The following PALM2AKAP2 variants were observed in gnomAD, a reference collection of about 807,000 sequenced individuals.
PALM2AKAP2 encodes PALM2-AKAP2 fusion protein.
In PALM2AKAP2, 37 loss-of-function variants were observed where a neutral mutation model predicts 71.5. The ratio of observed to expected loss-of-function variants is 0.52; its 90% CI spans 0.40 to 0.68. PALM2AKAP2 has a LOEUF of 0.68. Among genes scored for constraint, PALM2AKAP2 ranks in the 30% least tolerant of loss-of-function variants. PALM2AKAP2 has a pLI of 0.00. For synonymous variants in PALM2AKAP2, 468 were observed against 478.8 expected (o/e 0.98, Z 0.29); for missense variants, 1,224 against 1,191.8 (o/e 1.03, Z -0.40).
intron 1 of PALM2AKAP2, among the ~76,000 whole-genome samples, chr9:109,832,644 T>A (rs1040890971): frequency 1.3e-5 from 2 of 152,198 alleles, no homozygotes; most frequent in Non-Finnish European, 2.9e-5. Flanking sequence ...AACACCCAGA[T>A]GCCTTAAAAG....
At chr9:110,065,958 C>T (rs1834070740) in intron 1 of PALM2AKAP2, among the ~76,000 whole-genome samples, 2 of 152,138 alleles carry the variant, frequency 1.3e-5, no homozygotes, top group African/African-American at 4.8e-5. Flanking sequence ...TTCATTCATT[C>T]GATACTTGGG....
intron 1 of PALM2AKAP2, among the ~76,000 whole-genome samples, chr9:109,675,447 C>T (rs908318976): frequency 6.6e-6 from 1 of 152,098 alleles, no homozygotes; most frequent in African/African-American, 2.4e-5. Context: ...AGGCTAAATG[C>T]CAATCTAATA....
intron 7 of PALM2AKAP2, among the ~76,000 whole-genome samples, chr9:110,019,455 C>T (rs1193750171): frequency 1.3e-5 from 2 of 152,060 alleles, no homozygotes; most frequent in African/African-American, 4.8e-5. Context: ...TGGATATCTA[C>T]CCAAAGGAAA....
chr9:109,850,423 C>T (rs2131621580), intron 1 of PALM2AKAP2, among the ~76,000 whole-genome samples: 1 of 152,212 alleles, frequency 6.6e-6, no homozygotes, highest in African/African-American at 2.4e-5. Flanking sequence ...TTCTGTGGTT[C>T]TGAGATCCAA....
At chr9:110,031,894 A>G (rs988312917) in intron 7 of PALM2AKAP2, among the ~76,000 whole-genome samples, 67 of 152,222 alleles carry the variant, frequency 4.4e-4, no homozygotes, top group African/African-American at 1.6e-3. Flanking sequence ...GTGGGATAAG[A>G]TTTGATTTTC....
intron 1 of PALM2AKAP2, among the ~76,000 whole-genome samples, chr9:109,699,212 G>T (rs1246968764): frequency 6.6e-6 from 1 of 152,104 alleles, no homozygotes; most frequent in East Asian, 1.9e-4. Flanking sequence ...CACTGAACTG[G>T]CAAAATGTTG....
intron 3 of PALM2AKAP2, among the ~76,000 whole-genome samples, chr9:109,903,831 TAC>T (rs1486039668): frequency 6.6e-6 from 1 of 151,706 alleles, no homozygotes; most frequent in Non-Finnish European, 1.5e-5. Context: ...CACATGTGCA[TAC>T]ACAATCTTAA....
At position 109,931,986 on chromosome 9, in the gene PALM2AKAP2, GCA is replaced by G; in HGVS notation, c.455_456del (p.Ala152GlyfsTer26). On this transcript the variant is annotated frameshift_variant, in exon 6 of 10. Coordinates refer to the PALM2AKAP2 transcript ENST00000302798. LOFTEE classifies it high-confidence loss of function. ...CCTGCCAATCCTCTGTTCACGAACA[GCA>G]GAACCATCACCTGGGCAGGACGGGA... 6.2e-7 allele frequency: 1 copy of G among 1,614,102 alleles called. No homozygotes were observed. The highest frequency in any genetic ancestry group is 8.5e-7 in the Non-Finnish European group (1 of 1,179,960).
intron 2 of PALM2AKAP2, among the ~76,000 whole-genome samples, chr9:110,140,443 A>T (rs911392133): frequency 1.3e-5 from 2 of 152,170 alleles, no homozygotes; most frequent in African/African-American, 4.8e-5. Context: ...AGAAACAAAG[A>T]TCTGAGTGCT....
At chr9:109,736,561 C>CT (rs1320014484) in intron 1 of PALM2AKAP2, among the ~76,000 whole-genome samples, 1 of 151,876 alleles carries the variant, frequency 6.6e-6, no homozygotes, top group East Asian at 1.9e-4. Flanking sequence ...CTGCCATTTT[C>CT]TTTTTTTACT....
intron 1 of PALM2AKAP2, among the ~76,000 whole-genome samples, chr9:109,681,405 A>G (rs1373999236): frequency 1.3e-5 from 2 of 152,240 alleles, no homozygotes; most frequent in Non-Finnish European, 2.9e-5. Context: ...ATTCCAACTC[A>G]ACGATGCAAT....
At chr9:110,013,836 A>T (rs1832926169) in intron 6 of PALM2AKAP2, among the ~76,000 whole-genome samples, 1 of 152,230 alleles carries the variant, frequency 6.6e-6, no homozygotes, top group Non-Finnish European at 1.5e-5. Context: ...TTAGTCATTC[A>T]TCACCTTTTG....
intron 1 of PALM2AKAP2, among the ~76,000 whole-genome samples, chr9:109,670,557 G>A (rs565380183): frequency 1.3e-5 from 2 of 152,052 alleles, no homozygotes; most frequent in Non-Finnish European, 2.9e-5. Flanking sequence ...CTTTGCTATT[G>A]TGAATAGTGC....
At chr9:109,992,966 G>C (rs1194226726) in intron 6 of PALM2AKAP2, among the ~76,000 whole-genome samples, 2 of 150,722 alleles carry the variant, frequency 1.3e-5, no homozygotes, top group African/African-American at 2.4e-5. Context: ...GAGAGAGAGA[G>C]AGAGAGAGAG....
At position 109,839,787 on chromosome 9, in the gene PALM2AKAP2, C is replaced by G. The variant is rs189821839; in HGVS notation, c.46-27704C>G. Among the ~76,000 whole-genome samples the G allele has an allele frequency of 3.4e-3, 516 of 152,206 alleles. 2 individuals carry two copies. The highest frequency in any genetic ancestry group is 0.012 in the African/African-American group (485 of 41,524). On this transcript the variant is annotated intron_variant, in intron 1 of 9. Coordinates refer to the PALM2AKAP2 transcript ENST00000302798. ...CAATTGCTTCAAAGAGAATAAAATA[C>G]CTAAGAATCCAACTTACAAGGGATG...
chr9:109,750,581 T>A (rs1043375626), intron 1 of PALM2AKAP2, among the ~76,000 whole-genome samples: 3 of 151,146 alleles, frequency 2.0e-5, no homozygotes, highest in Admixed American at 2.0e-4. Context: ...CGTGTGTGTG[T>A]GTGTGTGTGT....
chr9:109,883,042 G>C (rs1829889606), intron 3 of PALM2AKAP2, among the ~76,000 whole-genome samples: 1 of 152,094 alleles, frequency 6.6e-6, no homozygotes, highest in South Asian at 2.1e-4. Context: ...TTGTTATTAT[G>C]GTCCAATAGG....
At chr9:110,134,546 AC>A (rs1373576815) in intron 1 of PALM2AKAP2, among the ~76,000 whole-genome samples, 2 of 151,938 alleles carry the variant, frequency 1.3e-5, no homozygotes, top group African/African-American at 4.8e-5. Flanking sequence ...AGTGAAGGAA[AC>A]CCCCCAGTTC....
intron 1 of PALM2AKAP2, among the ~76,000 whole-genome samples, chr9:109,733,826 T>C (rs948235180): frequency 1.3e-5 from 2 of 152,232 alleles, no homozygotes; most frequent in African/African-American, 4.8e-5. Context: ...GGAAAGACTT[T>C]TGTTTTTGAT....
Sources: gnomAD v4.1 joint callset for allele counts (sites outside exome capture counted in the v4.1 genomes callset) on GRCh38, gnomAD v4.1.1 for gene constraint, MANE v1.5 for transcripts, NCBI Gene and HGNC (gene_info 2026-07-23, HGNC 2026-07-21) for gene names.